The following CDC25B variants were observed in gnomAD, a reference collection of about 807,000 sequenced individuals.
CDC25B encodes M-phase inducer phosphatase 2.
A neutral mutation model predicts 69.8 loss-of-function variants in CDC25B; 33 were observed. The observed-to-expected ratio is 0.47, with a 90% CI of 0.36 to 0.63. The LOEUF (loss-of-function observed/expected upper bound fraction) is 0.63, where lower values mean the gene tolerates loss of function less well. Ranked by LOEUF, CDC25B falls within the 30% of genes least tolerant of loss-of-function variation. The pLI, the probability that CDC25B is intolerant of heterozygous loss-of-function variation, is 0.00. For synonymous variants in CDC25B, 341 were observed against 314.6 expected (o/e 1.08, Z -0.89); for missense variants, 727 against 809.1 (o/e 0.90, Z 1.23).
At chr20:3,796,179 G>A, upstream of CDC25B, 1 of 1,155,556 alleles carries the variant, frequency 8.7e-7, no homozygotes, top group Non-Finnish European at 1.1e-6. Flanking sequence ...TCCAGCCTCC[G>A]CGCCTCTTGC....
At chr20:3,801,471 G>A (rs2089282012) in intron 8 of CDC25B, 83 bp downstream of exon 8, 1 of 1,446,246 alleles carries the variant, frequency 6.9e-7, no homozygotes, top group Non-Finnish European at 9.4e-7. Context: ...CCTTGTGGCA[G>A]GACCATGATG....
At chr20:3,796,989 C>T (rs1324958681) in intron 1 of CDC25B, among the ~76,000 whole-genome samples, 2 of 152,176 alleles carry the variant, frequency 1.3e-5, no homozygotes, top group African/African-American at 4.8e-5. Flanking sequence ...CCCCTCACTC[C>T]CTCCTCCCTC....
At chr20:3,792,162 C>T (rs1419422739), upstream of CDC25B, among the ~76,000 whole-genome samples, 1 of 152,172 alleles carries the variant, frequency 6.6e-6, no homozygotes, top group Admixed American at 6.5e-5. Flanking sequence ...GATCCACCTA[C>T]CTTGGCCTCC....
chr20:3,796,711 C>A lies in CDC25B; in HGVS notation c.180C>A (p.His60Gln). ...SPVTTLTQTM[H>Q]DLAGLGSETP... The stretch of plus-strand genomic sequence containing the variant: ...TCACCACCCTCACCCAGACCATGCA[C>A]GACCTCGCCGGGCTCGGCAGGTAGG... Residue 60 changes from histidine (H) to glutamine (Q), a missense_variant, in exon 1 of 16, where the codon CAC becomes CAA. This residue lies in a region of CDC25B where 368 missense variants were observed against 345.6 expected (regional missense o/e 1.06). Coordinates refer to ENST00000245960, the MANE Select transcript of CDC25B (RefSeq NM_021873.4). 6.4e-7 allele frequency: 1 copy of A among 1,568,782 alleles called. No homozygotes were observed. The highest frequency in any genetic ancestry group is 2.4e-5 in the East Asian group (1 of 41,414).
chr20:3,805,070 G>C lies in CDC25B; in HGVS notation c.*109G>C. ...GCTGGAGGCCTCAGGTGCTGTCCAT[G>C]GGAAAGATGGTGTGGGTGTCCTGCC... On this transcript the variant is annotated 3_prime_UTR_variant, in exon 16 of 16. Transcript: ENST00000245960. 1 of 1,155,068 alleles carries C rather than the reference G, an allele frequency of 8.7e-7. No homozygotes were observed. The allele number at this position is 1,155,068 out of a possible 1,614,324, so 71.6% of individuals were successfully genotyped here. A position where few individuals can be genotyped will look rare whatever the true frequency, so the allele number is the denominator to read the frequency against.
upstream of CDC25B, among the ~76,000 whole-genome samples, chr20:3,791,477 G>C (rs372192597): frequency 3.3e-4 from 51 of 152,240 alleles, 2 homozygotes; most frequent in South Asian, 9.3e-3. Flanking sequence ...AAGCCCAGGA[G>C]TTCAAGACCA....
rs769732609 is a variant in CDC25B, at chr20:3,802,388, A to C, written c.1194+12A>C. ...GAGATTACTCTAAGGTACCTGCAGC[A>C]GCGAAGGGGGTACCTTGGGGGCTTG... is the stretch of plus-strand genomic sequence containing the variant. On this transcript the variant is annotated intron_variant, in intron 11 of 15. Transcript: ENST00000245960. 6.3e-7 allele frequency: 1 copy of C among 1,586,370 alleles called. No individual in the cohort carries two copies. The highest frequency in any genetic ancestry group is 1.7e-5 in the Admixed American group (1 of 59,860).
At chr20:3,804,174 T>C (rs1337752885) in intron 14 of CDC25B, among the ~76,000 whole-genome samples, 1 of 152,140 alleles carries the variant, frequency 6.6e-6, no homozygotes, top group East Asian at 1.9e-4. Flanking sequence ...GGCACTGGCT[T>C]CAGTCTTGGG....
chr20:3,799,929 C>T (rs1248806567), intron 3 of CDC25B, among the ~76,000 whole-genome samples: 1 of 152,138 alleles, frequency 6.6e-6, no homozygotes, highest in Non-Finnish European at 1.5e-5. Context: ...TCCTGGCAGC[C>T]ATATGGCCCC....
chr20:3,802,813 G>A (rs2089332695), intron 11 of CDC25B, 97 bp from the exon 12 acceptor site: 1 of 999,202 alleles, frequency 1.0e-6, no homozygotes, highest in Admixed American at 1.9e-5. Flanking sequence ...AAGCAGGTGT[G>A]GCCTCTGATT....
At position 3,796,661 on chromosome 20, in the gene CDC25B, G is replaced by T; in HGVS notation, c.130G>T (p.Val44Leu). ...LGSHGLLGSP[V>L]RAAASSPVTT... Reference sequence around the variant, plus strand: ...ATCTCATGGCCTCCTGGGGTCCCCGGTGCGGGCGGCCGCTTCCTCGCCGGT... The same window carrying T: ...ATCTCATGGCCTCCTGGGGTCCCCGTTGCGGGCGGCCGCTTCCTCGCCGGT... The change falls in exon 1 of 16, where the codon GTG (valine) becomes TTG (leucine). Residue 44 changes from valine to leucine, a missense_variant. Physicochemically the swap from Val to Leu is conservative, Grantham distance 32. Transcript: ENST00000245960. 1.3e-6 allele frequency: 2 copies of T among 1,504,212 alleles called. No individual in the cohort carries two copies. The highest frequency in any genetic ancestry group is 1.3e-5 in the South Asian group (1 of 76,956). 93.2% of individuals were successfully genotyped at this position (1,504,212 alleles called of 1,614,324 possible).
rs756726870 is a variant in CDC25B at position 3,800,462 on chromosome 20, C to G, written c.423C>G (p.Asn141Lys). The G allele has an allele frequency of 6.2e-7, 1 of 1,614,092 alleles. No homozygotes were observed. Among genetic ancestry groups the G allele is most frequent in the Admixed American group, 1.7e-5 (1 of 60,008 alleles). ...CACCTGTCCCCATTTCCTCCTGTAG[C>G]GAGCAGTTTGCCATCAGACGCTTCC... ...AIQAASRIIRNEQFAIRRFQS... is the reference protein window; with the variant it reads ...AIQAASRIIRKEQFAIRRFQS... The change falls in exon 5 of 16, where the codon AAC (asparagine) becomes AAG (lysine). Residue 141 changes from asparagine (N) to lysine (K), a missense_variant and splice_region_variant. Transcript: ENST00000245960.
At chr20:3,791,285 A>G (rs2088911647) in intron 1 of CDC25B, among the ~76,000 whole-genome samples, 2 of 152,196 alleles carry the variant, frequency 1.3e-5, no homozygotes, top group Non-Finnish European at 2.9e-5. Flanking sequence ...AAGTTCTGGG[A>G]GCAAGGTTCT....
rs947048342 is a variant in CDC25B at position 3,800,196 on chromosome 20, C to T, written c.381-92C>T. ...CCTTGAGCCTTGGCCCTTGTCTTTG[C>T]CCTTACTCCCCCCTGGACTGGGGGC... On this transcript the variant is annotated intron_variant, in intron 3 of 15. Transcript: ENST00000245960. The T allele has an allele frequency of 2.9e-5, 16 of 543,488 alleles. No individual in the cohort carries two copies. In the African/African-American group the frequency reaches 6.8e-4, roughly 23 times the overall value. The allele number at this position is 543,488 out of a possible 1,614,324, so 33.7% of individuals were successfully genotyped here.
chr20:3,789,457 T>C (rs1297219479), intron 1 of CDC25B, among the ~76,000 whole-genome samples: 1 of 151,946 alleles, frequency 6.6e-6, no homozygotes, highest in Non-Finnish European at 1.5e-5. Context: ...TGCAACCTCC[T>C]CCTCCCTGGT....
In CDC25B at chr20:3,804,847, GC is replaced by G. The variant is rs1335480992; in HGVS notation, c.1632del (p.Met545Ter). On this transcript the variant is annotated frameshift_variant, in exon 16 of 16. Coordinates refer to ENST00000245960, the MANE Select transcript of CDC25B (RefSeq NM_021873.4). LOFTEE classifies it high-confidence loss of function. Reference protein sequence around the residue: ...PNFCEPQDYRPMNHEAFKDEL... With the variant: ...PNFCEPQDYRXMNHEAFKDEL... ...ACTTCTGTGAACCCCAGGACTACCG[GC>G]CCATGAACCACGAGGCCTTCAAGGA... is the stretch of plus-strand genomic sequence containing the variant. 1 of 1,614,150 alleles carries G rather than the reference GC, an allele frequency of 6.2e-7. No individual in the cohort carries two copies. Among genetic ancestry groups the G allele is most frequent in the Non-Finnish European group, 8.5e-7 (1 of 1,180,010 alleles).
At position 3,803,220 on chromosome 20, in the gene CDC25B, A is replaced by G. The variant is rs1187736267; in HGVS notation, c.1356+14A>G. ...GGGCACATCAAGGTAAGATGGGGCA[A>G]TGGGGAGAGGCCCTGAAGATCCCAC... On this transcript the variant is annotated intron_variant, in intron 13 of 15. Coordinates refer to ENST00000245960, the MANE Select transcript of CDC25B (RefSeq NM_021873.4). This position sits in a 1 kb window ranked among gnomAD's most constrained non-coding sequence, Gnocchi z 4.9. The G allele has an allele frequency of 5.0e-6, 8 of 1,599,454 alleles. No individual in the cohort carries two copies. Among genetic ancestry groups the G allele is most frequent in the South Asian group, 2.2e-5 (2 of 90,564 alleles).
chr20:3,801,306 T>A lies in CDC25B; in HGVS notation c.758T>A (p.Leu253Gln), dbSNP rs2089275663. Residue 253 changes from leucine (L) to glutamine (Q), a missense_variant, in exon 8 of 16, where the codon CTA (leucine) becomes CAA (glutamine). Around this residue, in one of 2 missense-constraint regions of CDC25B, gnomAD observed 359 missense variants for 463.4 expected, o/e 0.77. Transcript: ENST00000245960. The part of the protein sequence containing the change: ...MEVEELSPLA[L>Q]GRFSLTPAEG... ...GTGGAGGAGCTCAGCCCCCTGGCCC[T>A]AGGTCGCTTCTCTCTGACCCCTGCA... The A allele has an allele frequency of 6.2e-7, 1 of 1,614,144 alleles. No homozygotes were observed. The highest frequency in any genetic ancestry group is 1.3e-5 in the African/African-American group (1 of 75,036).
chr20:3,805,069 T>A lies in CDC25B; in HGVS notation c.*108T>A. 1 of 1,153,784 alleles carries A rather than the reference T, an allele frequency of 8.7e-7. No homozygotes were observed. Among genetic ancestry groups the A allele is most frequent in the Non-Finnish European group, 1.2e-6 (1 of 832,370 alleles). 71.5% of individuals were successfully genotyped at this position (1,153,784 alleles called of 1,614,324 possible). A position where few individuals can be genotyped will look rare whatever the true frequency, so the allele number is the denominator to read the frequency against. Reference sequence around the variant, plus strand: ...TGCTGGAGGCCTCAGGTGCTGTCCATGGGAAAGATGGTGTGGGTGTCCTGC... The same window carrying A: ...TGCTGGAGGCCTCAGGTGCTGTCCAAGGGAAAGATGGTGTGGGTGTCCTGC... On this transcript the variant is annotated 3_prime_UTR_variant, in exon 16 of 16. Transcript: ENST00000245960.
Sources: gnomAD v4.1 joint callset for allele counts (sites outside exome capture counted in the v4.1 genomes callset) on GRCh38, gnomAD v4.1.1 for gene constraint, gnomAD v4.1.1 regional missense constraint, Gnocchi (gnomAD v3.1) non-coding constraint, MANE v1.5 for transcripts, NCBI Gene and HGNC (gene_info 2026-07-23, HGNC 2026-07-21) for gene names.